The following CCDC97 variants were observed in gnomAD, a reference collection of about 807,000 sequenced individuals.
The protein encoded by CCDC97 is coiled-coil domain-containing protein 97.
Under a neutral mutation model 33.9 loss-of-function variants are expected in CCDC97, and 27 were observed. That is an observed-to-expected ratio of 0.80 (90% CI 0.59 to 1.10). The LOEUF is 1.10. Ranked by LOEUF, CCDC97 falls within the 50% of genes least tolerant of loss-of-function variation. CCDC97 has a pLI of 0.00. For missense variants in CCDC97, 422 were observed against 476.6 expected, an observed-to-expected ratio of 0.89 and a Z score of 1.07; for synonymous variants, 217 against 194.0, an observed-to-expected ratio of 1.12 and a Z score of -0.99.
In CCDC97 at chr19:41,320,377, C is replaced by G. The variant is rs767739834; in HGVS notation, c.818C>G (p.Pro273Arg). ...GGCAAGGACTCGGAGGCCTGGGTTC[C>G]CGACTCGGAGGAGAGGCTGATCCTG... ...RSGKDSEAWV[P>R]DSEERLILRE... Residue 273 changes from proline to arginine, a missense_variant, in exon 4 of 5, where the codon CCC (proline) becomes CGC (arginine). Coordinates refer to ENST00000269967, the MANE Select transcript of CCDC97 (RefSeq NM_052848.3). The G allele has an allele frequency of 2.7e-5, 44 of 1,614,022 alleles. No homozygotes were observed. The highest frequency in any genetic ancestry group is 3.6e-5 in the Non-Finnish European group (42 of 1,180,034).
rs2037853138 is a variant in CCDC97, at chr19:41,323,797, C to G, written c.*1082C>G. On this transcript the variant is annotated 3_prime_UTR_variant, in exon 5 of 5. Transcript: ENST00000269967. ...CCGCAGGGCCCGCCCCATGGAGCCC[C>G]CTGCCGCCCTGGGCTAATGGGAGCC... 1 of 153,412 alleles carries G rather than the reference C, an allele frequency of 6.5e-6. No homozygotes were observed. The highest frequency in any genetic ancestry group is 1.5e-5 in the Non-Finnish European group (1 of 68,634). The allele number at this position is 153,412 out of a possible 1,614,324, so 9.5% of individuals were successfully genotyped here.
At chr19:41,318,852 C>CA (rs2037780713) in intron 2 of CCDC97, among the ~76,000 whole-genome samples, 1 of 152,172 alleles carries the variant, frequency 6.6e-6, no homozygotes, top group Admixed American at 6.5e-5. Context: ...CCCACCTGAC[C>CA]TGATCCCTTG....
rs768577577 is a variant in CCDC97, at chr19:41,320,433, C to T, written c.874C>T (p.Arg292Cys). The change falls in exon 4 of 5, where the codon CGC becomes TGC. Residue 292 changes from arginine to cysteine, a missense_variant. Transcript: ENST00000269967. ...GGAGTTCACCAGCCGCATGCACCAG[C>T]GCTTCCTAGATGGCAAGGACGGGGA... ...REEFTSRMHQ[R>C]FLDGKDGDFD... The T allele has an allele frequency of 2.0e-5, 33 of 1,613,962 alleles. No homozygotes were observed. Among genetic ancestry groups the T allele is most frequent in the Admixed American group, 3.3e-5 (2 of 59,990 alleles).
In CCDC97 at chr19:41,314,155, C is replaced by CTT. The variant is rs563468588; in HGVS notation, c.47-2217_47-2216dup. Among the ~76,000 whole-genome samples the CTT allele has an allele frequency of 6.3e-5, 9 of 143,296 alleles. No homozygotes were observed. In the South Asian group the frequency reaches 6.6e-4, roughly 10 times the overall value. The allele number at this position is 143,296 out of a possible 152,430, so 94.0% of individuals were successfully genotyped here. The stretch of plus-strand genomic sequence containing the variant: ...TCTCAGAGATTTAGTGTTTTTTTTT[C>CTT]TTTTTTTTTTTTTAGAGTTTTGCTC... On this transcript the variant is annotated intron_variant, in intron 1 of 4. Coordinates refer to ENST00000269967, the MANE Select transcript of CCDC97 (RefSeq NM_052848.3).
At chr19:41,319,250 C>G (rs1395195431) in intron 2 of CCDC97, among the ~76,000 whole-genome samples, 1 of 152,250 alleles carries the variant, frequency 6.6e-6, no homozygotes, top group Non-Finnish European at 1.5e-5. Context: ...CATACACACA[C>G]TCAGGTGCCT....
At chr19:41,317,226 C>T (rs1468705616) in intron 2 of CCDC97, among the ~76,000 whole-genome samples, 1 of 152,018 alleles carries the variant, frequency 6.6e-6, no homozygotes, top group Non-Finnish European at 1.5e-5. Context: ...ATGTACATGA[C>T]CTTGGGGACA....
intron 1 of CCDC97, among the ~76,000 whole-genome samples, chr19:41,314,939 C>G (rs2037727280): frequency 6.6e-6 from 1 of 151,648 alleles, no homozygotes; most frequent in South Asian, 2.1e-4. Flanking sequence ...GAGATTGAGA[C>G]CACCCTGGGC....
rs773453185 is a variant in CCDC97 at position 41,316,782 on chromosome 19, A to G, written c.445A>G (p.Thr149Ala). 9 of 1,601,424 alleles carry G rather than the reference A, an allele frequency of 5.6e-6. No homozygotes were observed. The highest frequency in any genetic ancestry group is 7.7e-6 in the Non-Finnish European group (9 of 1,170,438). The change falls in exon 2 of 5, where the codon ACC becomes GCC. Residue 149 changes from threonine to alanine, a missense_variant. By Grantham distance (58) the Thr-to-Ala change is moderately conservative. Transcript: ENST00000269967. ...CCGGCAGGGCACTGCCCGGCCCCGC[A>G]CCCTGCGTACCCGCCTGCGTAACCG... ...VARQGTARPR[T>A]LRTRLRNRRY...
In CCDC97 at chr19:41,323,613, TCTC is replaced by T. The variant is rs2037849737; in HGVS notation, c.*899_*901del. Reference sequence around the variant, plus strand: ...GTAGAGGGAGGGGGGACTCTACCCTTCTCAGCCCCACCAGCCCCCCTCTGCCCA... The same window carrying T: ...GTAGAGGGAGGGGGGACTCTACCCTTAGCCCCACCAGCCCCCCTCTGCCCA... On this transcript the variant is annotated 3_prime_UTR_variant, in exon 5 of 5. Transcript: ENST00000269967. The T allele has an allele frequency of 6.5e-6, 1 of 153,546 alleles. No individual in the cohort carries two copies. Among genetic ancestry groups the T allele is most frequent in the Admixed American group, 6.6e-5 (1 of 15,264 alleles). 9.5% of individuals were successfully genotyped at this position (153,546 alleles called of 1,614,324 possible).
In CCDC97 at chr19:41,315,296, C is replaced by CAA. The variant is rs71177714; in HGVS notation, c.47-1066_47-1065dup. 3.3e-3 allele frequency among the ~76,000 whole-genome samples: 135 copies of CAA among 41,016 alleles called. 1 individual carries two copies. Among genetic ancestry groups the CAA allele is most frequent in the African/African-American group, 3.9e-3 (38 of 9,728 alleles). 26.9% of individuals were successfully genotyped at this position (41,016 alleles called of 152,430 possible). ...TGGGCGAAAGAGCGAGACTCCGTCT[C>CAA]AAAAAAAAAAAAAAAAAAAAAAAGA... On this transcript the variant is annotated intron_variant, in intron 1 of 4. Transcript: ENST00000269967.
chr19:41,322,579 C>T lies in CCDC97; in HGVS notation c.912-16C>T, dbSNP rs987072498. On this transcript the variant is annotated splice_polypyrimidine_tract_variant and intron_variant, in intron 4 of 4. Transcript: ENST00000269967. ...CCCAGGGAGACCCAGTCCTTGACAG[C>T]CTCCTCCTCCTGCAGCACAGTAGAC... The T allele has an allele frequency of 1.9e-6, 3 of 1,609,784 alleles. No homozygotes were observed. The highest frequency in any genetic ancestry group is 1.7e-5 in the Admixed American group (1 of 59,688).
At chr19:41,310,551 T>C in intron 1 of CCDC97, 195 bp downstream of exon 1, 1 of 985,096 alleles carries the variant, frequency 1.0e-6, no homozygotes. Context: ...CTCCATTCCT[T>C]CCCCCCGAAA....
chr19:41,319,990 T>C, intron 3 of CCDC97, 138 bp downstream of exon 3: 1 of 610,106 alleles, frequency 1.6e-6, no homozygotes, highest in Non-Finnish European at 2.9e-6. Context: ...AGCCTGACTC[T>C]CTGTGTATGC....
At chr19:41,314,061 G>A (rs1599872200) in intron 1 of CCDC97, among the ~76,000 whole-genome samples, 1 of 152,100 alleles carries the variant, frequency 6.6e-6, no homozygotes, top group East Asian at 1.9e-4. Flanking sequence ...ATCAGACTGG[G>A]TGCTCCCTGA....
intron 4 of CCDC97, among the ~76,000 whole-genome samples, chr19:41,322,205 C>T (rs994743353): frequency 3.3e-5 from 5 of 152,280 alleles, no homozygotes; most frequent in South Asian, 2.1e-4. Flanking sequence ...GTGAGCCTCC[C>T]GCCTCAGCCA....
At chr19:41,310,390 G>GTGCGGT (rs2037668054) in intron 1 of CCDC97, 34 bp downstream of exon 1, 13 of 1,587,580 alleles carry the variant, frequency 8.2e-6, no homozygotes, top group Admixed American at 1.8e-5. Flanking sequence ...CGGCGGGTGG[G>GTGCGGT]TGCGGTTGCG....
At position 41,319,729 on chromosome 19, in the gene CCDC97, C is replaced by G; in HGVS notation, c.658C>G (p.Leu220Val). 6.2e-7 allele frequency: 1 copy of G among 1,613,956 alleles called. No individual in the cohort carries two copies. Among genetic ancestry groups the G allele is most frequent in the East Asian group, 2.2e-5 (1 of 44,880 alleles). ...GTCCCCCGGGAGACCTGCTTGCCCG[C>G]TCTCCAACTTGCTGCTCCAGTCCTA... ...PGSPGRPACP[L>V]SNLLLQSYEE... is the part of the protein sequence containing the mutation. Residue 220 changes from leucine to valine, a missense_variant, in exon 3 of 5, where the codon CTC (leucine) becomes GTC (valine). Physicochemically the swap from Leu to Val is conservative, Grantham distance 32 (BLOSUM62 1). Transcript: ENST00000269967.
chr19:41,317,272 A>G (rs1000558823), intron 2 of CCDC97, among the ~76,000 whole-genome samples: 1 of 152,210 alleles, frequency 6.6e-6, no homozygotes, highest in African/African-American at 2.4e-5. Flanking sequence ...GGTGAAAACC[A>G]TGAAGGAAAA....
At chr19:41,313,837 T>G (rs1055519105) in intron 1 of CCDC97, among the ~76,000 whole-genome samples, 1 of 152,128 alleles carries the variant, frequency 6.6e-6, no homozygotes, top group African/African-American at 2.4e-5. Context: ...GTAGCAGGGA[T>G]TACAGGTGCC....
Sources: allele counts gnomAD v4.1 joint callset (sites outside exome capture counted in the v4.1 genomes callset), GRCh38; gene constraint gnomAD v4.1.1; transcripts MANE v1.5; gene names NCBI Gene and HGNC (gene_info 2026-07-23, HGNC 2026-07-21).